SUFU: variants seen among roughly 807,000 people sequenced by gnomAD.
The protein encoded by SUFU is SUFU negative regulator of hedgehog signaling.
In SUFU, 7 loss-of-function variants were observed where a neutral mutation model predicts 58.9. The ratio of observed to expected loss-of-function variants is 0.12; its 90% CI spans 0.07 to 0.22. The LOEUF is 0.22. Among genes scored for constraint, SUFU ranks in the 10% least tolerant of loss-of-function variants. The pLI is 1.00. For synonymous variants in SUFU, 232 were observed against 254.8 expected (o/e 0.91, Z 0.85); for missense variants, 451 against 641.3 (o/e 0.70, Z 3.20).
At chr10:102,626,401 A>G (rs930981158) in intron 10 of SUFU, among the ~76,000 whole-genome samples, 8 of 152,166 alleles carry the variant, frequency 5.3e-5, no homozygotes, top group Non-Finnish European at 8.8e-5. Context: ...TGCCAGCCAA[A>G]TAGTGGGGCC....
rs761240106 is a variant in SUFU, at chr10:102,504,217, C to A, written c.65C>A (p.Ala22Asp). 3 of 1,605,602 alleles carry A rather than the reference C, an allele frequency of 1.9e-6. No homozygotes were observed. Among genetic ancestry groups the A allele is most frequent in the Non-Finnish European group, 1.7e-6 (2 of 1,175,968 alleles). ...GCGCCCCCGGCCCCTGGCCCGACTGCCCCCCCGGCCTTCGCTTCGCTCTTT... is the reference window on the plus strand; with the variant it reads ...GCGCCCCCGGCCCCTGGCCCGACTGACCCCCCGGCCTTCGCTTCGCTCTTT... ...PTAPPAPGPT[A>D]PPAFASLFPP... The change falls in exon 1 of 12, where the codon GCC becomes GAC. Residue 22 changes from alanine to aspartate, a missense_variant. By Grantham distance (126) the Ala-to-Asp change is moderately radical. Transcript: ENST00000369902.
chr10:102,516,227 A>G (rs1201019442), intron 2 of SUFU, among the ~76,000 whole-genome samples: 4 of 145,424 alleles, frequency 2.8e-5, no homozygotes, highest in Non-Finnish European at 6.0e-5. Context: ...GGTGTGCGCC[A>G]CCATGCCCGG....
At chr10:102,522,786 G>A (rs1208896738) in intron 2 of SUFU, among the ~76,000 whole-genome samples, 1 of 152,174 alleles carries the variant, frequency 6.6e-6, no homozygotes, top group East Asian at 1.9e-4. Context: ...AAGGCCAGAC[G>A]TTAATCTGCT....
At chr10:102,574,004 G>GA (rs1004274691) in intron 3 of SUFU, among the ~76,000 whole-genome samples, 2 of 150,942 alleles carry the variant, frequency 1.3e-5, no homozygotes, top group African/African-American at 2.4e-5. Context: ...AACTAAAACT[G>GA]AAAAAAAAAT....
intron 2 of SUFU, among the ~76,000 whole-genome samples, chr10:102,533,410 A>G (rs2062699502): frequency 6.9e-6 from 1 of 145,700 alleles, no homozygotes; most frequent in South Asian, 2.1e-4. Flanking sequence ...CATCTCTACA[A>G]AAAAAAAAAA....
At chr10:102,515,455 A>G (rs765964351) in intron 2 of SUFU, among the ~76,000 whole-genome samples, 6 of 151,670 alleles carry the variant, frequency 4.0e-5, no homozygotes, top group African/African-American at 1.2e-4. Context: ...AGCTGGGACT[A>G]CAGGCGCATG....
At chr10:102,618,931 CG>C in intron 10 of SUFU, 4 of 573,972 alleles carry the variant, frequency 7.0e-6, no homozygotes, top group Non-Finnish European at 1.2e-5. Flanking sequence ...CCTCAGGTAG[CG>C]TGTGTGTGTG....
chr10:102,599,901 G>A (rs1233550994), intron 8 of SUFU, among the ~76,000 whole-genome samples: 1 of 152,192 alleles, frequency 6.6e-6, no homozygotes, highest in Non-Finnish European at 1.5e-5. Context: ...GGCCAGAGTT[G>A]CCCTTCCTTC....
intron 3 of SUFU, among the ~76,000 whole-genome samples, chr10:102,567,864 C>T (rs2063107697): frequency 6.6e-6 from 1 of 152,072 alleles, no homozygotes; most frequent in Admixed American, 6.6e-5. Flanking sequence ...TATCCCCTAG[C>T]CCCAGGCCTA....
chr10:102,511,956 C>T (rs1170741592), intron 2 of SUFU, among the ~76,000 whole-genome samples: 4 of 152,198 alleles, frequency 2.6e-5, no homozygotes, highest in Admixed American at 2.6e-4. Flanking sequence ...AAGCGATCTT[C>T]CTGCCTTGGC....
chr10:102,599,685 T>C (rs1213675467), intron 8 of SUFU, 141 bp downstream of exon 8: 3 of 774,314 alleles, frequency 3.9e-6, no homozygotes, highest in Non-Finnish European at 6.6e-6. Flanking sequence ...AGGGCAGGCA[T>C]GGTCTGGGGC....
intron 1 of SUFU, among the ~76,000 whole-genome samples, chr10:102,506,670 C>T (rs192494043): frequency 2.0e-5 from 3 of 152,306 alleles, no homozygotes; most frequent in Admixed American, 6.5e-5. Flanking sequence ...TGAGCCAGTG[C>T]GACCAGCCAT....
intron 2 of SUFU, among the ~76,000 whole-genome samples, chr10:102,511,628 G>C (rs73336667): frequency 0.03 from 4,579 of 152,188 alleles, 233 homozygotes; most frequent in African/African-American, 0.1. Flanking sequence ...GTCTCTTGAG[G>C]GGTTAAATGA....
chr10:102,531,524 T>TG (rs1354351082), intron 2 of SUFU, among the ~76,000 whole-genome samples: 1 of 152,056 alleles, frequency 6.6e-6, no homozygotes, highest in Non-Finnish European at 1.5e-5. Flanking sequence ...TGCCAGTCAG[T>TG]GGGGTGTACA....
chr10:102,544,260 G>A (rs367852262), intron 2 of SUFU, among the ~76,000 whole-genome samples: 1 of 152,170 alleles, frequency 6.6e-6, no homozygotes, highest in Non-Finnish European at 1.5e-5. Context: ...AGAGTTAAAC[G>A]ATATGACATC....
chr10:102,534,675 C>T (rs778744633), intron 2 of SUFU, among the ~76,000 whole-genome samples: 8 of 152,198 alleles, frequency 5.3e-5, no homozygotes, highest in Non-Finnish European at 1.2e-4. Context: ...AGCAGATTGA[C>T]AGGAAACGGT....
chr10:102,620,138 C>T (rs1408024461), intron 10 of SUFU, among the ~76,000 whole-genome samples: 1 of 152,218 alleles, frequency 6.6e-6, no homozygotes, highest in Non-Finnish European at 1.5e-5. Context: ...CCGGAACTCT[C>T]CCATTGGTCC....
Position 102,550,216 on chromosome 10 carries a change from A to G in SUFU, c.454+110A>G, listed in dbSNP as rs562360025. The G allele has an allele frequency of 8.0e-5, 120 of 1,497,410 alleles. No homozygotes were observed. In the African/African-American group the frequency reaches 1.5e-3, roughly 19 times the overall value. The allele number at this position is 1,497,410 out of a possible 1,614,324, so 92.8% of individuals were successfully genotyped here. A position where few individuals can be genotyped will look rare whatever the true frequency, so the allele number is the denominator to read the frequency against. ...TTGTGGAGTGGCCTTTCCTGGGAGT[A>G]CTATGCCCCAATTCTACCATGAGGA... On this transcript the variant is annotated intron_variant, in intron 3 of 11. Coordinates refer to ENST00000369902, the MANE Select transcript of SUFU (RefSeq NM_016169.4).
At position 102,599,465 on chromosome 10, in the gene SUFU, G is replaced by A. The variant is rs141737156; in HGVS notation, c.943G>A (p.Gly315Arg). Residue 315 changes from glycine to arginine, a missense_variant, in exon 8 of 12, where the codon GGA (glycine) becomes AGA (arginine). Gly to Arg is a moderately radical substitution (Grantham distance 125). Coordinates refer to ENST00000369902, the MANE Select transcript of SUFU (RefSeq NM_016169.4). ...TEQIRETLRRGLEINSKPVLP... is the reference protein window; with the variant it reads ...TEQIRETLRRRLEINSKPVLP... ...GCAGATCCGGGAGACCCTGAGGAGA[G>A]GACTCGAGATCAACAGCAAACCTGT... 6 of 1,614,160 alleles carry A rather than the reference G, an allele frequency of 3.7e-6. No homozygotes were observed. In the African/African-American group the frequency reaches 8.0e-5, roughly 22 times the overall value.
Sources: allele counts gnomAD v4.1 joint callset (sites outside exome capture counted in the v4.1 genomes callset), GRCh38; gene constraint gnomAD v4.1.1; transcripts MANE v1.5; gene names NCBI Gene and HGNC (gene_info 2026-07-23, HGNC 2026-07-21).